Variants in ARMH3 observed in about 807,000 individuals in gnomAD.
ARMH3 encodes the protein armadillo like helical domain containing 3, also known as armadillo-like helical domain-containing protein 3.
In ARMH3, 60 loss-of-function variants were observed where a neutral mutation model predicts 99.1. The ratio of observed to expected loss-of-function variants is 0.61; its 90% confidence interval spans 0.49 to 0.75. The LOEUF (loss-of-function observed/expected upper bound fraction) is 0.75, where lower values mean the gene tolerates loss of function less well. Ranked by LOEUF, ARMH3 falls within the 30% of genes least tolerant of loss-of-function variation. The pLI is 0.00. For missense variants in ARMH3, 679 were observed against 843.1 expected (o/e 0.81, Z 2.41); for synonymous variants, 285 against 292.8 (o/e 0.97, Z 0.27).
chr10:101,879,966 A>G (rs1359516263), intron 24 of ARMH3, among the ~76,000 whole-genome samples: 1 of 152,228 alleles, frequency 6.6e-6, no homozygotes, highest in African/African-American at 2.4e-5. Context: ...TTCTGGCAGT[A>G]GTGAATCCGG....
chr10:101,991,136 A>C (rs1184009200), intron 18 of ARMH3, among the ~76,000 whole-genome samples: 1 of 152,214 alleles, frequency 6.6e-6, no homozygotes, highest in Admixed American at 6.5e-5. Flanking sequence ...CTGTTTCTAA[A>C]ATTAAGTAGA....
At position 101,977,053 on chromosome 10, in the gene ARMH3, G is replaced by T. The variant is rs545222242; in HGVS notation, c.1407-1753C>A. Among the ~76,000 whole-genome samples, 92 of 152,080 alleles carry T rather than the reference G, an allele frequency of 6.0e-4. 1 individual carries two copies. Among genetic ancestry groups the T allele is most frequent in the Admixed American group, 7.9e-4 (12 of 15,260 alleles). On this transcript the variant is annotated intron_variant, in intron 19 of 25. Transcript: ENST00000370033. ...TTATATTAAAAGTTAAATTAAAAATGCAGTTTGTCAGTTGTGCTAACCACC... is the reference window on the plus strand; with the variant it reads ...TTATATTAAAAGTTAAATTAAAAATTCAGTTTGTCAGTTGTGCTAACCACC...
At chr10:102,006,935 G>A (rs1287776045) in intron 13 of ARMH3, among the ~76,000 whole-genome samples, 1 of 151,624 alleles carries the variant, frequency 6.6e-6, no homozygotes, top group East Asian at 1.9e-4. Context: ...GGGAGGCCTG[G>A]GCAGATCACA....
chr10:101,963,549 G>A lies in ARMH3; in HGVS notation c.1496-5817C>T, dbSNP rs148152471. ...GCCCTACAAAGTGCTGACATTACAG[G>A]CATGAGCCACTGTGCCTGGCCTATT... On this transcript the variant is annotated intron_variant, in intron 20 of 25. Coordinates refer to ENST00000370033, the MANE Select transcript of ARMH3 (RefSeq NM_024541.3). Among the ~76,000 whole-genome samples the A allele has an allele frequency of 2.4e-3, 359 of 152,218 alleles. 3 individuals are homozygous for A. Among genetic ancestry groups the A allele is most frequent in the African/African-American group, 7.0e-3 (290 of 41,532 alleles).
At chr10:101,881,416 G>A (rs771559451) in intron 24 of ARMH3, among the ~76,000 whole-genome samples, 3 of 152,184 alleles carry the variant, frequency 2.0e-5, no homozygotes, top group Non-Finnish European at 4.4e-5. Context: ...CAGGGCAGCT[G>A]AGGGTTGGGG....
At chr10:101,953,021 T>G (rs1844862100) in intron 22 of ARMH3, among the ~76,000 whole-genome samples, 1 of 152,252 alleles carries the variant, frequency 6.6e-6, no homozygotes, top group Non-Finnish European at 1.5e-5. Flanking sequence ...AATATCCCAC[T>G]GGGTGTATAT....
intron 22 of ARMH3, among the ~76,000 whole-genome samples, chr10:101,945,545 C>G (rs1844476974): frequency 6.6e-6 from 1 of 151,940 alleles, no homozygotes; most frequent in Non-Finnish European, 1.5e-5. Context: ...TGGTGAAACC[C>G]CACCTCAACT....
intron 23 of ARMH3, among the ~76,000 whole-genome samples, chr10:101,932,999 A>T (rs1472850224): frequency 1.3e-5 from 2 of 152,200 alleles, no homozygotes; most frequent in African/African-American, 4.8e-5. Context: ...ATCCTGGCTA[A>T]CACGGTGAAA....
intron 22 of ARMH3, among the ~76,000 whole-genome samples, chr10:101,945,153 A>G (rs1312460229): frequency 6.6e-6 from 1 of 152,202 alleles, no homozygotes; most frequent in Non-Finnish European, 1.5e-5. Flanking sequence ...AACGCTCACA[A>G]GAGGGTCAGT....
chr10:101,857,399 T>C (rs543951166), intron 24 of ARMH3, among the ~76,000 whole-genome samples: 1 of 152,102 alleles, frequency 6.6e-6, no homozygotes, highest in African/African-American at 2.4e-5. Flanking sequence ...TTCAGTGAGG[T>C]TGCAGTGAGC....
intron 2 of ARMH3, among the ~76,000 whole-genome samples, chr10:102,033,697 C>T (rs1229849415): frequency 6.6e-6 from 1 of 152,166 alleles, no homozygotes; most frequent in Admixed American, 6.5e-5. Flanking sequence ...GGATTACAGG[C>T]GTGAGCCACC....
chr10:101,873,033 T>C (rs2067169428), intron 24 of ARMH3, among the ~76,000 whole-genome samples: 1 of 151,826 alleles, frequency 6.6e-6, no homozygotes, highest in Non-Finnish European at 1.5e-5. Flanking sequence ...TAATTCCCAG[T>C]GTGGCAAAGA....
intron 2 of ARMH3, among the ~76,000 whole-genome samples, chr10:102,034,357 C>A (rs1390735042): frequency 6.6e-6 from 1 of 152,134 alleles, no homozygotes. Flanking sequence ...AGAACCCCGG[C>A]CAGGCACGGT....
At chr10:101,871,820 G>C (rs938813860) in intron 24 of ARMH3, among the ~76,000 whole-genome samples, 5 of 152,008 alleles carry the variant, frequency 3.3e-5, no homozygotes, top group Admixed American at 1.3e-4. Context: ...GGTCAACATG[G>C]TGAAACCCTG....
At chr10:101,971,321 G>A (rs190617246) in intron 20 of ARMH3, among the ~76,000 whole-genome samples, 1 of 152,146 alleles carries the variant, frequency 6.6e-6, no homozygotes, top group East Asian at 1.9e-4. Context: ...GCTCACACCT[G>A]TAATCCCAGC....
At chr10:102,006,068 T>A (rs1334937613) in intron 14 of ARMH3, among the ~76,000 whole-genome samples, 1 of 152,256 alleles carries the variant, frequency 6.6e-6, no homozygotes, top group African/African-American at 2.4e-5. Context: ...GTTTGGGTTC[T>A]CAGTCTCTAC....
intron 1 of ARMH3, among the ~76,000 whole-genome samples, chr10:102,049,590 T>C (rs2067645042): frequency 6.6e-6 from 1 of 151,444 alleles, no homozygotes; most frequent in Non-Finnish European, 1.5e-5. Flanking sequence ...AACTTTTTTT[T>C]TTTTTTTTTG....
intron 14 of ARMH3, among the ~76,000 whole-genome samples, chr10:102,002,447 A>T (rs1158711257): frequency 1.3e-5 from 2 of 152,084 alleles, no homozygotes; most frequent in East Asian, 3.9e-4. Flanking sequence ...TATTGAATAT[A>T]AATGAGTTTT....
intron 19 of ARMH3, among the ~76,000 whole-genome samples, chr10:101,981,152 T>C (rs1246228472): frequency 6.6e-6 from 1 of 151,244 alleles, no homozygotes; most frequent in Non-Finnish European, 1.5e-5. Context: ...ATTCTGCACA[T>C]GTAATCGTTT....
Sources: allele counts gnomAD v4.1 joint callset (sites outside exome capture counted in the v4.1 genomes callset), GRCh38; gene constraint gnomAD v4.1.1; transcripts MANE v1.5; gene names NCBI Gene and HGNC (gene_info 2026-07-23, HGNC 2026-07-21).